BAZ1A: variants seen among roughly 807,000 people sequenced by gnomAD.
BAZ1A encodes bromodomain adjacent to zinc finger domain protein 1A.
Under a neutral mutation model 185.2 loss-of-function variants are expected in BAZ1A, and 50 were observed. The observed-to-expected ratio is 0.27, with a 90% CI of 0.22 to 0.34. The LOEUF (loss-of-function observed/expected upper bound fraction) is 0.34, where lower values mean the gene tolerates loss of function less well. Ranked by LOEUF, BAZ1A falls within the 10% of genes least tolerant of loss-of-function variation. The probability of loss-of-function intolerance (pLI) is 1.00; values close to 1 mark genes in which losing one functional copy is unlikely to be tolerated. For synonymous variants in BAZ1A, 571 were observed against 615.6 expected, an observed-to-expected ratio of 0.93 and a Z score of 1.07; for missense variants, 1,356 against 1,839.9, an observed-to-expected ratio of 0.74 and a Z score of 4.81.
At chr14:34,820,122 G>GTTT (rs59706713) in intron 4 of BAZ1A, among the ~76,000 whole-genome samples, 13,020 of 80,382 alleles carry the variant, frequency 0.16, 1,548 homozygotes, top group Non-Finnish European at 0.22. Flanking sequence ...TGGGTTCCTC[G>GTTT]TTTTTTTTTT....
chr14:34,809,417 C>G (rs924279189), intron 5 of BAZ1A, among the ~76,000 whole-genome samples: 2 of 152,172 alleles, frequency 1.3e-5, no homozygotes, highest in Non-Finnish European at 2.9e-5. Flanking sequence ...CTCATTCTTT[C>G]TAGCTACATT....
chr14:34,862,072 C>A lies in BAZ1A; in HGVS notation c.364G>T (p.Val122Leu). The A allele has an allele frequency of 6.2e-7, 1 of 1,614,162 alleles. No homozygotes were observed. Among genetic ancestry groups the A allele is most frequent in the Non-Finnish European group, 8.5e-7 (1 of 1,180,032 alleles). The change falls in exon 3 of 27, where the codon GTG becomes TTG. Residue 122 changes from valine to leucine, a missense_variant. Physicochemically the swap from Val to Leu is conservative, Grantham distance 32. Around this residue, in one of 7 missense-constraint regions of BAZ1A, gnomAD observed 332 missense variants for 395.3 expected, o/e 0.84. Transcript: ENST00000360310. ...VKDRYFVEET[V>L]EVIRNNGARL... ...GCACCATTGTTCCTAATGACTTCCA[C>A]AGTTTCTTCGACAAAATATCGATCC...
intron 18 of BAZ1A, among the ~76,000 whole-genome samples, chr14:34,775,547 ACT>A (rs1364053126): frequency 3.3e-5 from 5 of 151,938 alleles, no homozygotes; most frequent in African/African-American, 9.7e-5. Context: ...TTCTCCCTAG[ACT>A]CTCAGCCAAA....
intron 25 of BAZ1A, among the ~76,000 whole-genome samples, chr14:34,755,826 T>TC (rs1022269544): frequency 1.3e-4 from 20 of 151,022 alleles, no homozygotes; most frequent in African/African-American, 3.9e-4. Context: ...TTTTTTTTTT[T>TC]CCTTTTCCTT....
chr14:34,765,170 A>C lies in BAZ1A; in HGVS notation c.3400T>G (p.Ser1134Ala). 1.9e-6 allele frequency: 3 copies of C among 1,614,130 alleles called. No homozygotes were observed. The highest frequency in any genetic ancestry group is 2.5e-6 in the Non-Finnish European group (3 of 1,180,022). ...ASLSQVFLHL[S>A]TLDRSVIWSK... ...CATATCACGCTACGATCCAAGGTGG[A>C]TAGGTGAAGAAAAACTTGGGATAGA... The change falls in exon 22 of 27, where the codon TCC (serine) becomes GCC (alanine). Residue 1134 changes from serine to alanine, a missense_variant. By Grantham distance (99) the Ser-to-Ala change is moderately conservative (BLOSUM62 1). Coordinates refer to ENST00000360310, the MANE Select transcript of BAZ1A (RefSeq NM_013448.3).
chr14:34,767,085 A>G (rs1345134976), intron 21 of BAZ1A, among the ~76,000 whole-genome samples: 1 of 152,212 alleles, frequency 6.6e-6, no homozygotes, highest in Non-Finnish European at 1.5e-5. Context: ...GGAAAATACA[A>G]AGCTATTACT....
intron 3 of BAZ1A, among the ~76,000 whole-genome samples, chr14:34,832,215 C>CACACACACACATATAT: frequency 6.9e-4 from 62 of 89,710 alleles, no homozygotes; most frequent in African/African-American, 2.2e-3. Flanking sequence ...CACACACACA[C>CACACACACACATATAT]ATATATATAT....
intron 26 of BAZ1A, 24 bp downstream of exon 26, chr14:34,754,800 TATC>T: frequency 2.7e-6 from 4 of 1,474,612 alleles, no homozygotes; most frequent in Non-Finnish European, 3.7e-6. Context: ...GAAAAATAAA[TATC>T]AAAGAAAAAC....
At chr14:34,787,513 G>A (rs1485723804) in intron 12 of BAZ1A, among the ~76,000 whole-genome samples, 1 of 150,742 alleles carries the variant, frequency 6.6e-6, no homozygotes, top group Non-Finnish European at 1.5e-5. Flanking sequence ...GTGAAACCCC[G>A]TCTCTTCTAA....
intron 21 of BAZ1A, among the ~76,000 whole-genome samples, chr14:34,765,602 C>T (rs1878786385): frequency 6.6e-6 from 1 of 152,176 alleles, no homozygotes. Context: ...ACATATGATT[C>T]CAAGTCTATA....
At chr14:34,837,739 A>G (rs2042352064) in intron 3 of BAZ1A, among the ~76,000 whole-genome samples, 1 of 152,206 alleles carries the variant, frequency 6.6e-6, no homozygotes, top group South Asian at 2.1e-4. Context: ...AAACTTTAAA[A>G]TTCTAAGTAG....
chr14:34,789,186 T>C (rs1425726174), intron 12 of BAZ1A, among the ~76,000 whole-genome samples: 1 of 152,138 alleles, frequency 6.6e-6, no homozygotes, highest in Non-Finnish European at 1.5e-5. Context: ...CACTCCAAAA[T>C]TAACAACAGT....
At chr14:34,777,907 C>T (rs776420718) in intron 17 of BAZ1A, among the ~76,000 whole-genome samples, 6 of 152,290 alleles carry the variant, frequency 3.9e-5, no homozygotes, top group Middle Eastern at 3.4e-3. Context: ...AGGAGAATCA[C>T]TTGAACCCAG....
rs142941736 is a variant in BAZ1A, at chr14:34,787,632, G to A, written c.1511-1411C>T. Among the ~76,000 whole-genome samples, 939 of 151,230 alleles carry A rather than the reference G, an allele frequency of 6.2e-3. 17 individuals are homozygous for A. Among genetic ancestry groups the A allele is most frequent in the African/African-American group, 0.022 (900 of 41,204 alleles). The stretch of plus-strand genomic sequence containing the variant: ...TGGGAGGCACAGGTTTCAGTGAGCC[G>A]AGATCACACCACTGCACTCCAGCCT... On this transcript the variant is annotated intron_variant, in intron 12 of 26. Coordinates refer to ENST00000360310, the MANE Select transcript of BAZ1A (RefSeq NM_013448.3).
intron 3 of BAZ1A, 112 bp downstream of exon 3, chr14:34,861,932 T>C: frequency 8.1e-7 from 1 of 1,233,784 alleles, no homozygotes; most frequent in Non-Finnish European, 1.1e-6. Context: ...GTTAACAGAA[T>C]AGCTAGAGCA....
At position 34,875,252 on chromosome 14, in the gene BAZ1A, G is replaced by A. The variant is rs1480611226; in HGVS notation, c.-173C>T. On this transcript the variant is annotated 5_prime_UTR_variant, in exon 1 of 27. Transcript: ENST00000360310. Reference sequence around the variant, plus strand: ...CGGCCCCGCCGCGCCCCTGGCTGCCGCTTCTCCCGCTGCCACTGCCCGACT... The same window carrying A: ...CGGCCCCGCCGCGCCCCTGGCTGCCACTTCTCCCGCTGCCACTGCCCGACT... 5 of 454,394 alleles carry A rather than the reference G, an allele frequency of 1.1e-5. No individual in the cohort carries two copies. In the East Asian group the frequency reaches 3.5e-4, roughly 32 times the overall value. The allele number at this position is 454,394 out of a possible 1,614,324, so 28.1% of individuals were successfully genotyped here.
intron 16 of BAZ1A, among the ~76,000 whole-genome samples, chr14:34,782,020 T>G (rs1379502437): frequency 6.6e-6 from 1 of 152,234 alleles, no homozygotes; most frequent in Non-Finnish European, 1.5e-5. Context: ...CATTTTTGGA[T>G]GAAGGTATGC....
chr14:34,828,526 C>G (rs927749980), intron 3 of BAZ1A: 1 of 147,128 alleles, frequency 6.8e-6, no homozygotes, highest in Non-Finnish European at 1.5e-5. Flanking sequence ...TCCTCAAGTC[C>G]CAGTCTCAGT....
chr14:34,753,753 TAATA>T (rs1566539114), intron 26 of BAZ1A, 49 bp from the exon 27 acceptor site: 3 of 1,350,018 alleles, frequency 2.2e-6, no homozygotes, highest in African/African-American at 1.5e-5. Flanking sequence ...ACATAAATTA[TAATA>T]AATATAATTC....
Sources: gnomAD v4.1 joint callset for allele counts (sites outside exome capture counted in the v4.1 genomes callset) on GRCh38, gnomAD v4.1.1 for gene constraint, gnomAD v4.1.1 regional missense constraint, MANE v1.5 for transcripts, NCBI Gene and HGNC (gene_info 2026-07-23, HGNC 2026-07-21) for gene names.